The following KLF8 variants were observed in gnomAD, a reference collection of about 807,000 sequenced individuals.
KLF8 encodes KLF transcription factor 8.
In KLF8, 10 loss-of-function variants were observed where a neutral mutation model predicts 18.2. That is an observed-to-expected ratio of 0.55 (90% CI 0.34 to 0.93). The LOEUF is 0.93. KLF8 is among the 40% of genes least tolerant of loss of function. KLF8 has a pLI of 0.02. For synonymous variants in KLF8, 109 were observed against 97.3 expected (o/e 1.12, Z -0.71); for missense variants, 264 against 277.9 (o/e 0.95, Z 0.36).
At chrX:55,949,130 T>C in the KLF8 span, among the ~76,000 whole-genome samples, 1 of 111,964 alleles carries the variant, frequency 8.9e-6, no homozygotes, top group Admixed American at 9.5e-5. Context: ...CATCAAGACA[T>C]TGAAATTAGG....
At chrX:56,184,866 C>A in the KLF8 span, among the ~76,000 whole-genome samples, 3 of 112,043 alleles carry the variant, frequency 2.7e-5, no homozygotes, top group Non-Finnish European at 5.6e-5. Context: ...ACACCAAAAA[C>A]CCATCTGTAC....
the KLF8 span, among the ~76,000 whole-genome samples, chrX:56,058,081 C>T: frequency 2.0e-5 from 2 of 101,009 alleles, no homozygotes; most frequent in Non-Finnish European, 4.0e-5. Flanking sequence ...TTTCTTTCTT[C>T]TCTCCACTCT....
chrX:56,158,524 A>G, the KLF8 span, among the ~76,000 whole-genome samples: 4 of 111,851 alleles, frequency 3.6e-5, no homozygotes, highest in Admixed American at 9.5e-5. Context: ...ATCCATGAGT[A>G]TGGAATGTTC....
At chrX:56,171,349 T>C in the KLF8 span, among the ~76,000 whole-genome samples, 3 of 112,293 alleles carry the variant, frequency 2.7e-5, no homozygotes, top group African/African-American at 9.7e-5. Flanking sequence ...TAAGTAGTTA[T>C]TAGCTTTAGA....
At chrX:56,129,183 C>T in the KLF8 span, among the ~76,000 whole-genome samples, 1 of 112,072 alleles carries the variant, frequency 8.9e-6, no homozygotes, top group African/African-American at 3.2e-5. Context: ...CTAAATTGCA[C>T]CTCCCACTTG....
chrX:56,267,787 A>G (rs73206586), intron 3 of KLF8: 1 of 112,072 alleles, frequency 8.9e-6, no homozygotes, highest in Non-Finnish European at 1.9e-5. Context: ...TTACCTCATT[A>G]TCATTTTTGT....
At chrX:56,067,685 C>T in the KLF8 span, among the ~76,000 whole-genome samples, 1 of 111,997 alleles carries the variant, frequency 8.9e-6, no homozygotes, top group Non-Finnish European at 1.9e-5. Flanking sequence ...GGGAGATTCA[C>T]ACTCCAACAG....
the KLF8 span, among the ~76,000 whole-genome samples, chrX:56,136,512 C>T: frequency 9.0e-6 from 1 of 111,681 alleles, no homozygotes; most frequent in Non-Finnish European, 1.9e-5. Flanking sequence ...GAAAGGATTC[C>T]CTGTTTAATA....
the KLF8 span, among the ~76,000 whole-genome samples, chrX:56,007,711 C>T: frequency 9.0e-6 from 1 of 110,939 alleles, no homozygotes; most frequent in Non-Finnish European, 1.9e-5. Context: ...TGTAGTAAAC[C>T]ATCTTTGAAA....
the KLF8 span, among the ~76,000 whole-genome samples, chrX:56,168,653 C>T: frequency 2.1e-5 from 2 of 95,968 alleles, no homozygotes; most frequent in East Asian, 4.0e-4. Context: ...CCCCCCTCCC[C>T]GACCCCATGA....
chrX:55,997,281 G>T, the KLF8 span, among the ~76,000 whole-genome samples: 33 of 111,942 alleles, frequency 2.9e-4, no homozygotes, highest in East Asian at 3.4e-3. Context: ...TAGCCAGTGC[G>T]GATGGGCATC....
At chrX:56,021,914 T>A in the KLF8 span, among the ~76,000 whole-genome samples, 99 of 106,657 alleles carry the variant, frequency 9.3e-4, no homozygotes, top group Non-Finnish European at 1.5e-3. Flanking sequence ...ATTCAGTACA[T>A]GAAAATTGGG....
chrX:56,076,868 G>T, the KLF8 span, among the ~76,000 whole-genome samples: 1 of 112,135 alleles, frequency 8.9e-6, no homozygotes, highest in Admixed American at 9.4e-5. Context: ...CTGTGGTTTT[G>T]ATTTGCATTT....
chrX:55,961,611 G>A, the KLF8 span: 13 of 447,694 alleles, frequency 2.9e-5, no homozygotes, highest in South Asian at 8.1e-5. Flanking sequence ...CTGGAACTGC[G>A]ACCTTAACGA....
the KLF8 span, among the ~76,000 whole-genome samples, chrX:56,132,599 T>C: frequency 9.1e-6 from 1 of 109,658 alleles, no homozygotes; most frequent in Non-Finnish European, 1.9e-5. Context: ...GAACAAATCT[T>C]AAACCCAGCA....
At chrX:56,060,775 G>A in the KLF8 span, among the ~76,000 whole-genome samples, 14 of 112,009 alleles carry the variant, frequency 1.2e-4, no homozygotes, top group Admixed American at 1.0e-3. Context: ...AATGGTACCA[G>A]CTCCTCTTTG....
chrX:56,000,783 A>T, the KLF8 span, among the ~76,000 whole-genome samples: 1 of 111,612 alleles, frequency 9.0e-6, no homozygotes, highest in African/African-American at 3.3e-5. Context: ...CTTTTCAAAG[A>T]AGCAACTATT....
At chrX:56,112,300 G>A in the KLF8 span, among the ~76,000 whole-genome samples, 3 of 111,049 alleles carry the variant, frequency 2.7e-5, no homozygotes, top group African/African-American at 9.9e-5. Context: ...CATGGATACA[G>A]GGAGGTGAAC....
chrX:55,997,517 T>G, the KLF8 span, among the ~76,000 whole-genome samples: 1 of 111,602 alleles, frequency 9.0e-6, no homozygotes, highest in East Asian at 2.8e-4. Context: ...AGGGCCAGTA[T>G]GATTCCTGGT....
Sources: allele counts gnomAD v4.1 joint callset (sites outside exome capture counted in the v4.1 genomes callset), GRCh38; gene constraint gnomAD v4.1.1; transcripts MANE v1.5; gene names NCBI Gene and HGNC (gene_info 2026-07-23, HGNC 2026-07-21).